The following ZBTB45 variants were observed in gnomAD, a reference collection of about 807,000 sequenced individuals.
ZBTB45 encodes zinc finger and BTB domain-containing protein 45.
ZBTB45 carries 22 observed loss-of-function variants against 28.4 expected under a neutral mutation model. The ratio of observed to expected loss-of-function variants is 0.77; its 90% confidence interval spans 0.55 to 1.10. The LOEUF (loss-of-function observed/expected upper bound fraction) is 1.10, where lower values mean the gene tolerates loss of function less well. ZBTB45 is among the 50% of genes least tolerant of loss of function. ZBTB45 has a pLI of 0.00. For missense variants in ZBTB45, 656 were observed against 750.2 expected, an observed-to-expected ratio of 0.87 and a Z score of 1.47; for synonymous variants, 361 against 332.3, an observed-to-expected ratio of 1.09 and a Z score of -0.94.
At chr19:58,529,816 T>A (rs1373411589) in intron 1 of ZBTB45, among the ~76,000 whole-genome samples, 1 of 152,178 alleles carries the variant, frequency 6.6e-6, no homozygotes, top group Non-Finnish European at 1.5e-5. Flanking sequence ...ATATGTGAGT[T>A]TTGTATCTGA....
Position 58,516,467 on chromosome 19 carries a change from A to C in ZBTB45, c.1207T>G (p.Tyr403Asp). Residue 403 changes from tyrosine to aspartate, a missense_variant, in exon 2 of 3, where the codon TAT becomes GAT. Coordinates refer to ENST00000594051, the MANE Select transcript of ZBTB45 (RefSeq NM_001316979.2). This position sits in a 1 kb window ranked among gnomAD's most constrained non-coding sequence, Gnocchi z 6.2. The stretch of plus-strand genomic sequence containing the variant: ...GTCTTGCGACAGTGGCTGCACTCAT[A>C]CGTAGGTGGCTCAGCACCTGGGGTG... ...ARTPGAEPPTYECSHCRKTFS... is the reference protein window; with the variant it reads ...ARTPGAEPPTDECSHCRKTFS... 8 of 1,613,792 alleles carry C rather than the reference A, an allele frequency of 5.0e-6. No homozygotes were observed. The highest frequency in any genetic ancestry group is 6.8e-6 in the Non-Finnish European group (8 of 1,179,834).
upstream of ZBTB45, among the ~76,000 whole-genome samples, chr19:58,521,561 T>C (rs535261787): frequency 5.1e-4 from 78 of 152,204 alleles, no homozygotes; most frequent in Non-Finnish European, 7.2e-4. Context: ...CTTGGGCTTC[T>C]GACCTATGGA....
At chr19:58,514,795 G>A (rs115503568) in intron 2 of ZBTB45, among the ~76,000 whole-genome samples, 1,759 of 152,094 alleles carry the variant, frequency 0.012, 34 homozygotes, top group African/African-American at 0.04. Flanking sequence ...ACTGGGTCCT[G>A]GCCCCCCTCG....
upstream of ZBTB45, among the ~76,000 whole-genome samples, chr19:58,523,416 C>T (rs999972353): frequency 1.3e-5 from 2 of 151,308 alleles, no homozygotes; most frequent in South Asian, 2.1e-4. Flanking sequence ...CACGGTGGCT[C>T]ATGCCTGTAA....
chr19:58,514,011 GAGGCCCCGGATCCACCGTGGGCGAGGCC>G lies in ZBTB45; in HGVS notation c.*15_*42del. 1 of 1,369,170 alleles carries G rather than the reference GAGGCCCCGGATCCACCGTGGGCGAGGCC, an allele frequency of 7.3e-7. No homozygotes were observed. The highest frequency in any genetic ancestry group is 3.0e-5 in the East Asian group (1 of 33,872). 84.8% of individuals were successfully genotyped at this position (1,369,170 alleles called of 1,614,324 possible). A position where few individuals can be genotyped will look rare whatever the true frequency, so the allele number is the denominator to read the frequency against. On this transcript the variant is annotated 3_prime_UTR_variant, in exon 3 of 3. Transcript: ENST00000594051. ...GCAGCGGGCGTGGCCGACTGTGCGG[GAGGCCCCGGATCCACCGTGGGCGAGGCC>G]AGGCCCCAGCGCCATCAGGGCGCAG...
chr19:58,531,430 C>A (rs914142290), intron 1 of ZBTB45, among the ~76,000 whole-genome samples: 1 of 152,194 alleles, frequency 6.6e-6, no homozygotes. Flanking sequence ...CGGGTTCCCC[C>A]TACACAGCCA....
chr19:58,517,294 G>T lies in ZBTB45; in HGVS notation c.380C>A (p.Ala127Asp). 6.2e-7 allele frequency: 1 copy of T among 1,601,930 alleles called. No individual in the cohort carries two copies. Among genetic ancestry groups the T allele is most frequent in the Non-Finnish European group, 8.5e-7 (1 of 1,177,176 alleles). Residue 127 changes from alanine (A) to aspartate (D), a missense_variant, in exon 2 of 3, where the codon GCC (alanine) becomes GAC (aspartate). By Grantham distance (126) the Ala-to-Asp change is moderately radical (BLOSUM62 -2). Coordinates refer to ENST00000594051, the MANE Select transcript of ZBTB45 (RefSeq NM_001316979.2). ...GGGCGTGGGCGCAGAGGTGCCCGGG[G>T]CTCGAGCGCGGGCGATAATCTGCGT... Reference protein sequence around the residue: ...ECTQIIARARAPGTSAPTPLP... With the variant: ...ECTQIIARARDPGTSAPTPLP...
chr19:58,517,456 G>A lies in ZBTB45; in HGVS notation c.218C>T (p.Pro73Leu), dbSNP rs755987569. 5.6e-6 allele frequency: 9 copies of A among 1,612,984 alleles called. No homozygotes were observed. Among genetic ancestry groups the A allele is most frequent in the African/African-American group, 1.3e-5 (1 of 74,908 alleles). The change falls in exon 2 of 3, where the codon CCG becomes CTG. Residue 73 changes from proline to leucine, a missense_variant. Coordinates refer to ENST00000594051, the MANE Select transcript of ZBTB45 (RefSeq NM_001316979.2). ...LLGHSEIRVP[P>L]VVPAQTVRQL... The stretch of plus-strand genomic sequence containing the variant: ...TCGCACTGTCTGCGCGGGCACCACC[G>A]GAGGCACACGGATCTCAGAGTGGCC...
In ZBTB45 at chr19:58,517,079, G is replaced by A. The variant is rs1168853682; in HGVS notation, c.595C>T (p.Leu199=). 2 of 1,613,202 alleles carry A rather than the reference G, an allele frequency of 1.2e-6. No individual in the cohort carries two copies. Among genetic ancestry groups the A allele is most frequent in the Admixed American group, 1.7e-5 (1 of 60,022 alleles). Residue 199 remains leucine (L), a synonymous_variant, in exon 2 of 3, where the codon CTG becomes TTG. Transcript: ENST00000594051. ...CCTCGGTCATCAGGGGCCGCGGACAGTGAGGGGTCAGCATCAGGCCCCTCA... is the reference window on the plus strand; with the variant it reads ...CCTCGGTCATCAGGGGCCGCGGACAATGAGGGGTCAGCATCAGGCCCCTCA... ...KAEGPDADPS[L]SAAPDDRGDE... is the part of the protein sequence containing the mutation.
rs763284727 is a variant in ZBTB45 at position 58,516,904 on chromosome 19, G to A, written c.770C>T (p.Pro257Leu). The A allele has an allele frequency of 3.7e-6, 6 of 1,613,252 alleles. No individual in the cohort carries two copies. Among genetic ancestry groups the A allele is most frequent in the Non-Finnish European group, 5.1e-6 (6 of 1,180,036 alleles). Reference sequence around the variant, plus strand: ...GTAGTCAGCGAGGCCAGTGGGTGCAGGGGGCTCCTCGCACGCGCTGTCAGC... The same window carrying A: ...GTAGTCAGCGAGGCCAGTGGGTGCAAGGGGCTCCTCGCACGCGCTGTCAGC... ...AAADSACEEP[P>L]APTGLADYSG... is the part of the protein sequence containing the mutation. Residue 257 changes from proline (P) to leucine (L), a missense_variant, in exon 2 of 3, where the codon CCT becomes CTT. Transcript: ENST00000594051. This position sits in a 1 kb window ranked among gnomAD's most constrained non-coding sequence, Gnocchi z 6.2.
intron 1 of ZBTB45, among the ~76,000 whole-genome samples, chr19:58,533,055 C>T (rs1038339100): frequency 4.7e-5 from 7 of 150,424 alleles, no homozygotes; most frequent in Non-Finnish European, 8.9e-5. Flanking sequence ...AGGCTGGTCT[C>T]AAACTCCCGA....
At chr19:58,531,859 G>A (rs376415241) in intron 1 of ZBTB45, among the ~76,000 whole-genome samples, 14 of 152,194 alleles carry the variant, frequency 9.2e-5, no homozygotes, top group African/African-American at 2.6e-4. Flanking sequence ...ACCATTCTTT[G>A]GGCACCTCTT....
At chr19:58,526,722 G>A (rs986949139) in intron 1 of ZBTB45, among the ~76,000 whole-genome samples, 9 of 148,478 alleles carry the variant, frequency 6.1e-5, no homozygotes, top group African/African-American at 1.7e-4. Flanking sequence ...TAGTAGAGAC[G>A]GGGTTTCACC....
At chr19:58,520,925 G>C (rs1163161193), upstream of ZBTB45, among the ~76,000 whole-genome samples, 5 of 151,556 alleles carry the variant, frequency 3.3e-5, no homozygotes, top group Non-Finnish European at 7.4e-5. Context: ...GGTGGCAGGC[G>C]CCTGTAGTCC....
intron 1 of ZBTB45, among the ~76,000 whole-genome samples, chr19:58,528,229 A>T (rs2053617621): frequency 6.6e-6 from 1 of 152,094 alleles, no homozygotes; most frequent in East Asian, 1.9e-4. Flanking sequence ...TCAGACTAGG[A>T]CACTTCCTGT....
intron 1 of ZBTB45, among the ~76,000 whole-genome samples, chr19:58,532,841 C>T (rs770563143): frequency 3.3e-5 from 5 of 151,218 alleles, no homozygotes; most frequent in Admixed American, 6.6e-5. Flanking sequence ...GCCACCACCC[C>T]GGCCATGTTT....
At chr19:58,529,958 T>G (rs879596063) in intron 1 of ZBTB45, among the ~76,000 whole-genome samples, 1 of 152,186 alleles carries the variant, frequency 6.6e-6, no homozygotes, top group Non-Finnish European at 1.5e-5. Flanking sequence ...AGACCAGCAC[T>G]TTGGGAAGCC....
chr19:58,519,799 C>T lies in ZBTB45; in HGVS notation c.-58G>A, dbSNP rs1230430609. 1 of 152,472 alleles carries T rather than the reference C, an allele frequency of 6.6e-6. No homozygotes were observed. The highest frequency in any genetic ancestry group is 2.4e-5 in the African/African-American group (1 of 41,472). The allele number at this position is 152,472 out of a possible 1,614,324, so 9.4% of individuals were successfully genotyped here. A position where few individuals can be genotyped will look rare whatever the true frequency, so the allele number is the denominator to read the frequency against. On this transcript the variant is annotated 5_prime_UTR_variant, in exon 1 of 3. Transcript: ENST00000594051. ...GTGGCCGCTTCCTCCTGACCGACTA[C>T]AAGGCCGCACTTCCGGGCCGTTACC...
intron 1 of ZBTB45, among the ~76,000 whole-genome samples, chr19:58,527,715 C>T (rs1005106520): frequency 2.6e-5 from 4 of 152,158 alleles, no homozygotes; most frequent in African/African-American, 9.6e-5. Context: ...CCCATGGTGG[C>T]CAAGGCCTCA....
Sources: allele counts gnomAD v4.1 joint callset (sites outside exome capture counted in the v4.1 genomes callset), GRCh38; gene constraint gnomAD v4.1.1; non-coding constraint Gnocchi (gnomAD v3.1); transcripts MANE v1.5; gene names NCBI Gene and HGNC (gene_info 2026-07-23, HGNC 2026-07-21).